Variants in KIF26B observed in about 807,000 individuals in gnomAD.
KIF26B encodes kinesin family member 26B, also known as kinesin-like protein KIF26B.
Under a neutral mutation model 151.2 loss-of-function variants are expected in KIF26B, and 63 were observed. The ratio of observed to expected loss-of-function variants is 0.42; its 90% confidence interval spans 0.34 to 0.51. The LOEUF is 0.51. KIF26B is among the 20% of genes least tolerant of loss of function. KIF26B has a pLI of 0.07. For missense variants in KIF26B, 2,813 were observed against 2,913.6 expected, an observed-to-expected ratio of 0.97 and a Z score of 0.79; for synonymous variants, 1,357 against 1,262.1, an observed-to-expected ratio of 1.08 and a Z score of -1.59.
intron 3 of KIF26B, among the ~76,000 whole-genome samples, chr1:245,384,586 C>T (rs1441242746): frequency 1.3e-5 from 2 of 152,128 alleles, no homozygotes; most frequent in Non-Finnish European, 2.9e-5. Flanking sequence ...ATGCCTGGCC[C>T]ATTCTCATTT....
chr1:245,604,422 A>G (rs536288653), intron 6 of KIF26B, among the ~76,000 whole-genome samples: 1 of 152,306 alleles, frequency 6.6e-6, no homozygotes, highest in African/African-American at 2.4e-5. Flanking sequence ...TTCCCCAAAG[A>G]GTTTTACCCA....
At chr1:245,185,677 G>T (rs1390046258) in intron 2 of KIF26B, among the ~76,000 whole-genome samples, 1 of 152,076 alleles carries the variant, frequency 6.6e-6, no homozygotes, top group East Asian at 1.9e-4. Flanking sequence ...TTTACCACCA[G>T]TTTATTCACT....
chr1:245,261,493 CTCT>C (rs1558366019), intron 2 of KIF26B, among the ~76,000 whole-genome samples: 33 of 119,872 alleles, frequency 2.8e-4, no homozygotes, highest in African/African-American at 1.0e-3. Flanking sequence ...CTCTCTCTCT[CTCT>C]CTCTCTCCCT....
At chr1:245,219,846 A>C (rs73127144) in intron 2 of KIF26B, among the ~76,000 whole-genome samples, 7,482 of 152,288 alleles carry the variant, frequency 0.049, 594 homozygotes, top group African/African-American at 0.17. Flanking sequence ...TCCAGGGAAG[A>C]GTTGGCTGCG....
At position 245,652,540 on chromosome 1, in the gene KIF26B, C is replaced by G. The variant is rs1453431985; in HGVS notation, c.2258+6260C>G. Among the ~76,000 whole-genome samples the G allele has an allele frequency of 2.0e-5, 3 of 152,176 alleles. No individual in the cohort carries two copies. In the South Asian group the frequency reaches 6.2e-4, roughly 32 times the overall value. On this transcript the variant is annotated intron_variant, in intron 10 of 14. Coordinates refer to ENST00000407071, the MANE Select transcript of KIF26B (RefSeq NM_018012.4). ...TCTTCATATTTAGCTATAGAAATCTCGAGAGATTGTTATTATTTTCTTAAG... is the reference window on the plus strand; with the variant it reads ...TCTTCATATTTAGCTATAGAAATCTGGAGAGATTGTTATTATTTTCTTAAG...
intron 4 of KIF26B, among the ~76,000 whole-genome samples, chr1:245,532,736 CTAA>C (rs1397362858): frequency 6.6e-6 from 1 of 151,740 alleles, no homozygotes; most frequent in Non-Finnish European, 1.5e-5. Context: ...CCTTCCTGCA[CTAA>C]TGAAATAGAT....
At chr1:245,160,164 G>C (rs909126602) in intron 2 of KIF26B, among the ~76,000 whole-genome samples, 1 of 152,212 alleles carries the variant, frequency 6.6e-6, no homozygotes, top group Admixed American at 6.5e-5. Context: ...AACTTACCTG[G>C]TGAGTAGACG....
chr1:245,653,771 A>G (rs888946168), intron 10 of KIF26B, among the ~76,000 whole-genome samples: 4 of 152,160 alleles, frequency 2.6e-5, no homozygotes, highest in African/African-American at 9.7e-5. Flanking sequence ...TTATAAGTAA[A>G]AGCACAGTCT....
chr1:245,698,978 A>T lies in KIF26B; in HGVS notation c.6119A>T (p.Lys2040Met), dbSNP rs961087937. Residue 2040 changes from lysine (K) to methionine (M), a missense_variant, in exon 14 of 15, where the codon AAG becomes ATG. Physicochemically the swap from Lys to Met is moderately conservative, Grantham distance 95 (BLOSUM62 -1). Coordinates refer to ENST00000407071, the MANE Select transcript of KIF26B (RefSeq NM_018012.4). The surrounding 1 kb of genome is among the most constrained non-coding windows in gnomAD (Gnocchi z 4.0). ...CGCGCGAAGTACGAGTGGCTGATGA[A>T]GGAGCTGGAGGCGACCAAACAGTAT... ...EVRAKYEWLMKELEATKQYLM... is the reference protein window; with the variant it reads ...EVRAKYEWLMMELEATKQYLM... The T allele has an allele frequency of 2.5e-6, 4 of 1,613,942 alleles. No homozygotes were observed. In the African/African-American group the frequency reaches 5.3e-5, roughly 22 times the overall value.
chr1:245,607,586 C>T (rs1460641827), intron 6 of KIF26B, 65 bp from the exon 7 acceptor site: 7 of 1,337,508 alleles, frequency 5.2e-6, no homozygotes, highest in East Asian at 4.9e-5. Flanking sequence ...GGCTCACTTT[C>T]GTTGTTAGTG....
At chr1:245,536,168 G>A (rs1265261332) in intron 4 of KIF26B, among the ~76,000 whole-genome samples, 4 of 152,084 alleles carry the variant, frequency 2.6e-5, no homozygotes, top group African/African-American at 9.7e-5. Flanking sequence ...TGTTAAATGG[G>A]GGTAATATTG....
intron 4 of KIF26B, among the ~76,000 whole-genome samples, chr1:245,435,235 G>C (rs1294577331): frequency 1.3e-5 from 2 of 152,116 alleles, no homozygotes; most frequent in Non-Finnish European, 1.5e-5. Context: ...ATTGTGTTAG[G>C]CACCGAGGAG....
At chr1:245,610,885 T>C (rs1480275066) in intron 8 of KIF26B, among the ~76,000 whole-genome samples, 1 of 152,238 alleles carries the variant, frequency 6.6e-6, no homozygotes, top group East Asian at 1.9e-4. Context: ...AGTTCAAAAT[T>C]ATTTGTATAG....
At chr1:245,482,411 C>T (rs1375317099) in intron 4 of KIF26B, among the ~76,000 whole-genome samples, 1 of 151,776 alleles carries the variant, frequency 6.6e-6, no homozygotes, top group African/African-American at 2.4e-5. Context: ...TTAAGTAAGA[C>T]CTTCCAATGA....
intron 3 of KIF26B, among the ~76,000 whole-genome samples, chr1:245,402,433 G>C (rs1177330147): frequency 6.6e-6 from 1 of 152,142 alleles, no homozygotes; most frequent in Non-Finnish European, 1.5e-5. Flanking sequence ...TTGACCCTTG[G>C]ATGTGGCCAA....
At chr1:245,669,857 G>A (rs554689000) in intron 10 of KIF26B, among the ~76,000 whole-genome samples, 2 of 152,274 alleles carry the variant, frequency 1.3e-5, no homozygotes, top group East Asian at 3.9e-4. Flanking sequence ...AGGGGAGCTG[G>A]AGGCCATTAT....
intron 4 of KIF26B, among the ~76,000 whole-genome samples, chr1:245,455,276 C>T (rs958708032): frequency 6.6e-6 from 1 of 152,214 alleles, no homozygotes; most frequent in Non-Finnish European, 1.5e-5. Context: ...GAGGCTGAGG[C>T]GGGCAGATCA....
At chr1:245,203,415 A>G (rs538653656) in intron 2 of KIF26B, among the ~76,000 whole-genome samples, 3 of 151,988 alleles carry the variant, frequency 2.0e-5, no homozygotes, top group African/African-American at 7.3e-5. Context: ...TACTTTTCCC[A>G]TAGGTTTTCA....
At chr1:245,310,923 G>C (rs146157436) in intron 2 of KIF26B, among the ~76,000 whole-genome samples, 1 of 152,206 alleles carries the variant, frequency 6.6e-6, no homozygotes, top group Non-Finnish European at 1.5e-5. Flanking sequence ...GTCATGAGTA[G>C]CTCCCAAGTA....
Sources: allele counts gnomAD v4.1 joint callset (sites outside exome capture counted in the v4.1 genomes callset), GRCh38; gene constraint gnomAD v4.1.1; non-coding constraint Gnocchi (gnomAD v3.1); transcripts MANE v1.5; gene names NCBI Gene and HGNC (gene_info 2026-07-23, HGNC 2026-07-21).